The following FAM110A variants were observed in gnomAD, a reference collection of about 807,000 sequenced individuals.
The protein encoded by FAM110A is family with sequence similarity 110 member A, also known as protein FAM110A.
In FAM110A, 1 loss-of-function variant was observed where a neutral mutation model predicts 4.0. The ratio of observed to expected loss-of-function variants is 0.25; its 90% confidence interval spans 0.09 to 1.20. The LOEUF is 1.20. FAM110A is among the 50% of genes most tolerant of loss of function. The pLI, the probability that FAM110A is intolerant of heterozygous loss-of-function variation, is 0.50. For missense variants in FAM110A, 436 were observed against 429.2 expected (o/e 1.02, Z -0.14); for synonymous variants, 217 against 196.8 (o/e 1.10, Z -0.86).
In FAM110A at chr20:845,327, G is replaced by T. The variant is rs868848447; in HGVS notation, c.523G>T (p.Ala175Ser). ...RPCPSPGPAAASSPARPPGLQ... is the reference protein window; with the variant it reads ...RPCPSPGPAASSSPARPPGLQ... ...CTGCCCATCACCCGGCCCTGCCGCC[G>T]CCTCCAGCCCAGCCCGGCCGCCGGG... Residue 175 changes from alanine (A) to serine (S), a missense_variant, in exon 2 of 2, where the codon GCC (alanine) becomes TCC (serine). Ala to Ser is a moderately conservative substitution (Grantham distance 99, BLOSUM62 1). Transcript: ENST00000381941. 1.3e-6 allele frequency: 2 copies of T among 1,564,978 alleles called. No individual in the cohort carries two copies. The highest frequency in any genetic ancestry group is 2.3e-5 in the South Asian group (2 of 85,584).
intron 1 of FAM110A, 103 bp from the exon 2 acceptor site, chr20:844,605 C>G: frequency 1.3e-6 from 1 of 795,846 alleles, no homozygotes; most frequent in Non-Finnish European, 1.7e-6. Context: ...GGCGTGGTCT[C>G]TACCTTATAA....
chr20:845,593 C>T lies in FAM110A; in HGVS notation c.789C>T (p.Arg263=), dbSNP rs973130283. The T allele has an allele frequency of 1.9e-6, 3 of 1,613,928 alleles. No individual in the cohort carries two copies. The highest frequency in any genetic ancestry group is 2.7e-5 in the African/African-American group (2 of 74,922). ...CTGTTGAGGAGCGGGCCCGGGAGCG[C>T]GTTCCCTATGGCGTGTCGGTGGTGG... The part of the protein sequence containing the change: ...SVTVEERARE[R]VPYGVSVVER... Residue 263 remains arginine, a synonymous_variant, in exon 2 of 2, where the codon CGC becomes CGT. Transcript: ENST00000381941.
intron 1 of FAM110A, chr20:839,841 A>G: frequency 6.2e-7 from 1 of 1,605,488 alleles, no homozygotes; most frequent in Non-Finnish European, 8.5e-7. Flanking sequence ...CATGGCCTTC[A>G]TGACGTGAAG....
chr20:839,466 C>A (rs571124136), intron 1 of FAM110A: 26 of 797,498 alleles, frequency 3.3e-5, no homozygotes, highest in South Asian at 3.2e-4. Flanking sequence ...TGGCTGACCA[C>A]GTCCACGACC....
At chr20:838,765 T>C (rs79021070) in intron 1 of FAM110A, among the ~76,000 whole-genome samples, 2 of 151,274 alleles carry the variant, frequency 1.3e-5, no homozygotes, top group East Asian at 1.9e-4. Flanking sequence ...AGATGGGAGA[T>C]TTGGACAAGG....
chr20:845,586 G>C lies in FAM110A; in HGVS notation c.782G>C (p.Arg261Pro). 1 of 1,614,028 alleles carries C rather than the reference G, an allele frequency of 6.2e-7. No homozygotes were observed. Among genetic ancestry groups the C allele is most frequent in the Non-Finnish European group, 8.5e-7 (1 of 1,179,994 alleles). The change falls in exon 2 of 2, where the codon CGG becomes CCG. Residue 261 changes from arginine (R) to proline (P), a missense_variant. By Grantham distance (103) the Arg-to-Pro change is moderately radical. Transcript: ENST00000381941. ...TCGGTGACTGTTGAGGAGCGGGCCC[G>C]GGAGCGCGTTCCCTATGGCGTGTCG... ...RSSVTVEERA[R>P]ERVPYGVSVV...
rs1392724607 is a variant in FAM110A at position 844,285 on chromosome 20, G to A, written c.-97-423G>A. The stretch of plus-strand genomic sequence containing the variant: ...CCACCTACTCGCTGGGTTAACTTAA[G>A]CAAGTTGTTTGCCTCTCTGGGCTTC... On this transcript the variant is annotated intron_variant, in intron 1 of 1. Coordinates refer to ENST00000381941, the MANE Select transcript of FAM110A (RefSeq NM_001042353.3). Among the ~76,000 whole-genome samples the A allele has an allele frequency of 2.0e-5, 3 of 152,206 alleles. No individual in the cohort carries two copies. The East Asian group carries it at 5.8e-4, about 29-fold the overall frequency.
intron 1 of FAM110A, among the ~76,000 whole-genome samples, chr20:837,627 T>C (rs984564923): frequency 6.6e-6 from 1 of 152,212 alleles, no homozygotes. Flanking sequence ...TAGCTAATCA[T>C]TGGTGGAGCT....
intron 1 of FAM110A, among the ~76,000 whole-genome samples, chr20:841,998 T>G (rs1389401106): frequency 6.6e-6 from 1 of 152,202 alleles, no homozygotes; most frequent in Non-Finnish European, 1.5e-5. Context: ...AGTCGAAATC[T>G]TCTTGAAGAC....
Position 845,199 on chromosome 20 carries a change from G to T in FAM110A, c.395G>T (p.Gly132Val). ...AGCCGCACTCCTGGACGGGCCGAGG[G>T]AGCCGGCCGTCCTCCCCCAGCCACC... ...EASRTPGRAE[G>V]AGRPPPATPP... Residue 132 changes from glycine to valine, a missense_variant, in exon 2 of 2, where the codon GGA (glycine) becomes GTA (valine). Gly to Val is a moderately radical substitution (Grantham distance 109, BLOSUM62 -3). Transcript: ENST00000381941. The T allele has an allele frequency of 6.4e-6, 10 of 1,558,868 alleles. No individual in the cohort carries two copies. The highest frequency in any genetic ancestry group is 6.9e-6 in the Non-Finnish European group (8 of 1,156,842).
chr20:837,913 T>A (rs1452406440), intron 1 of FAM110A, among the ~76,000 whole-genome samples: 1 of 152,062 alleles, frequency 6.6e-6, no homozygotes, highest in Non-Finnish European at 1.5e-5. Context: ...TGTCCTTTTT[T>A]TTTTTTCTCT....
chr20:838,426 C>T (rs565588776), intron 1 of FAM110A, among the ~76,000 whole-genome samples: 57 of 152,196 alleles, frequency 3.7e-4, no homozygotes, highest in African/African-American at 1.2e-3. Context: ...GGTATTTCCT[C>T]GTGTTTGGTC....
rs1198912344 is a variant in FAM110A, at chr20:840,864, C to T, written c.-97-3844C>T. On this transcript the variant is annotated intron_variant, in intron 1 of 1. Coordinates refer to ENST00000381941, the MANE Select transcript of FAM110A (RefSeq NM_001042353.3). The surrounding 1 kb of genome is among the most constrained non-coding windows in gnomAD (Gnocchi z 4.4). Reference sequence around the variant, plus strand: ...TTAGTCAAATGGGGTAACAATAGAACTCACCAGATAGTGATTGTTGGGAAG... The same window carrying T: ...TTAGTCAAATGGGGTAACAATAGAATTCACCAGATAGTGATTGTTGGGAAG... 6.6e-6 allele frequency among the ~76,000 whole-genome samples: 1 copy of T among 152,220 alleles called. No individual in the cohort carries two copies. The highest frequency in any genetic ancestry group is 2.4e-5 in the African/African-American group (1 of 41,448).
At chr20:837,512 G>A (rs991269304) in intron 1 of FAM110A, among the ~76,000 whole-genome samples, 1 of 152,226 alleles carries the variant, frequency 6.6e-6, no homozygotes, top group African/African-American at 2.4e-5. Flanking sequence ...GGTGACATTT[G>A]TCATGCATGG....
At position 834,600 on chromosome 20, in the gene FAM110A, C is replaced by T. The variant is rs1200275256; in HGVS notation, c.-98+649C>T. ...GTGGAGCAGCTGACCTAGGCCAGAC[C>T]CTGCTGTGTCTCCTGGGGACACCCC... On this transcript the variant is annotated intron_variant, in intron 1 of 1. Transcript: ENST00000381941. This position sits in a 1 kb window ranked among gnomAD's most constrained non-coding sequence, Gnocchi z 5.6. Among the ~76,000 whole-genome samples the T allele has an allele frequency of 1.3e-5, 2 of 152,164 alleles. No homozygotes were observed. The highest frequency in any genetic ancestry group is 2.9e-5 in the Non-Finnish European group (2 of 68,022).
rs1042021934 is a variant in FAM110A, at chr20:834,245, C to A, written c.-98+294C>A. Among the ~76,000 whole-genome samples the A allele has an allele frequency of 6.6e-5, 10 of 152,234 alleles. No individual in the cohort carries two copies. Among genetic ancestry groups the A allele is most frequent in the Non-Finnish European group, 1.2e-4 (8 of 68,038 alleles). On this transcript the variant is annotated intron_variant, in intron 1 of 1. Coordinates refer to ENST00000381941, the MANE Select transcript of FAM110A (RefSeq NM_001042353.3). The surrounding 1 kb of genome is among the most constrained non-coding windows in gnomAD (Gnocchi z 5.6). ...CGTTTTATCGGCAGGGACCTGTAGA[C>A]CCCTGGCTGGATCACATATCCCCGC...
Position 837,989 on chromosome 20 carries a change from T to TACTG in FAM110A, c.-98+4039_-98+4042dup, listed in dbSNP as rs150273919. Among the ~76,000 whole-genome samples the TACTG allele has an allele frequency of 9.7e-4, 147 of 152,236 alleles. 2 individuals carry two copies. The East Asian group carries it at 0.026, about 27-fold the overall frequency. ...CTGTACAGTGGAGAAATTTGGCAGATACTGCCTTAACCAAGGAATTGGCTG... is the reference window on the plus strand; with the variant it reads ...CTGTACAGTGGAGAAATTTGGCAGATACTGACTGCCTTAACCAAGGAATTGGCTG... On this transcript the variant is annotated intron_variant, in intron 1 of 1. Transcript: ENST00000381941.
At position 844,689 on chromosome 20, in the gene FAM110A, T is replaced by TTTC; in HGVS notation, c.-97-19_-97-18insTTC. 2 of 1,283,430 alleles carry TTTC rather than the reference T, an allele frequency of 1.6e-6. No individual in the cohort carries two copies. The highest frequency in any genetic ancestry group is 2.0e-6 in the Non-Finnish European group (2 of 1,016,326). 79.5% of individuals were successfully genotyped at this position (1,283,430 alleles called of 1,614,324 possible). A position where few individuals can be genotyped will look rare whatever the true frequency, so the allele number is the denominator to read the frequency against. Reference sequence around the variant, plus strand: ...AGCGCGCTCGGCTTTTTTTTTTTTTTCTCTCTCCTTCCCTGCAGCAGTGGC... The same window carrying TTTC: ...AGCGCGCTCGGCTTTTTTTTTTTTTTTTCCTCTCTCCTTCCCTGCAGCAGTGGC... On this transcript the variant is annotated intron_variant, in intron 1 of 1. Transcript: ENST00000381941.
At chr20:844,680 T>G (rs1406901100) in intron 1 of FAM110A, 28 bp from the exon 2 acceptor site, 1 of 1,304,586 alleles carries the variant, frequency 7.7e-7, no homozygotes, top group Non-Finnish European at 9.7e-7. Context: ...CTCGGCTTTT[T>G]TTTTTTTTTC....
Sources: allele counts gnomAD v4.1 joint callset (sites outside exome capture counted in the v4.1 genomes callset), GRCh38; gene constraint gnomAD v4.1.1; non-coding constraint Gnocchi (gnomAD v3.1); transcripts MANE v1.5; gene names NCBI Gene and HGNC (gene_info 2026-07-23, HGNC 2026-07-21).